Variants in NETO2 observed in about 807,000 individuals in gnomAD.
The protein encoded by NETO2 is neuropilin and tolloid like 2, also known as neuropilin and tolloid-like protein 2.
A neutral mutation model predicts 62.5 loss-of-function variants in NETO2; 28 were observed. The ratio of observed to expected loss-of-function variants is 0.45; its 90% CI spans 0.33 to 0.61. The LOEUF (loss-of-function observed/expected upper bound fraction) is 0.61, where lower values mean the gene tolerates loss of function less well. Ranked by LOEUF, NETO2 falls within the 20% of genes least tolerant of loss-of-function variation. The pLI is 0.02. For missense variants in NETO2, 548 were observed against 643.2 expected (o/e 0.85, Z 1.60); for synonymous variants, 214 against 219.1 (o/e 0.98, Z 0.21).
chr16:47,133,129 G>A (rs1964300440), intron 1 of NETO2, among the ~76,000 whole-genome samples: 1 of 152,164 alleles, frequency 6.6e-6, no homozygotes, highest in Non-Finnish European at 1.5e-5. Flanking sequence ...AGTTTAACAG[G>A]AGATATGCAG....
At chr16:47,117,270 C>T (rs868185907) in intron 6 of NETO2, among the ~76,000 whole-genome samples, 1 of 152,194 alleles carries the variant, frequency 6.6e-6, no homozygotes, top group African/African-American at 2.4e-5. Context: ...CAAGATGCAT[C>T]ATTTTTCTCT....
intron 1 of NETO2, among the ~76,000 whole-genome samples, chr16:47,135,793 C>G (rs1964352864): frequency 6.6e-6 from 1 of 151,632 alleles, no homozygotes; most frequent in Non-Finnish European, 1.5e-5. Context: ...TTCACTATTA[C>G]TTAATAGTGG....
chr16:47,093,667 T>C (rs559844023), intron 7 of NETO2, among the ~76,000 whole-genome samples: 40 of 152,328 alleles, frequency 2.6e-4, no homozygotes, highest in Admixed American at 1.0e-3. Context: ...TGGCATCTCA[T>C]GAAGACCTTT....
At chr16:47,106,894 G>A (rs938880445) in intron 7 of NETO2, among the ~76,000 whole-genome samples, 1 of 151,326 alleles carries the variant, frequency 6.6e-6, no homozygotes, top group African/African-American at 2.4e-5. Flanking sequence ...CAATTTTCAT[G>A]CCTCACCCTG....
intron 4 of NETO2, 106 bp from the exon 5 acceptor site, chr16:47,123,018 C>T (rs111811622): frequency 2.4e-5 from 26 of 1,072,680 alleles, no homozygotes; most frequent in Non-Finnish European, 3.4e-5. Context: ...GTAAGAGAAG[C>T]TTTCATTGGT....
intron 7 of NETO2, among the ~76,000 whole-genome samples, chr16:47,086,716 T>C (rs1238088827): frequency 6.6e-6 from 1 of 152,182 alleles, no homozygotes; most frequent in Non-Finnish European, 1.5e-5. Context: ...GCAGTCATTG[T>C]GGAAAATTAT....
At chr16:47,111,353 T>C (rs1963796691) in intron 6 of NETO2, among the ~76,000 whole-genome samples, 1 of 152,244 alleles carries the variant, frequency 6.6e-6, no homozygotes, top group Non-Finnish European at 1.5e-5. Context: ...CTATAGTAAA[T>C]GCTCTTCAAA....
chr16:47,136,653 G>A (rs779717616), intron 1 of NETO2, among the ~76,000 whole-genome samples: 38 of 152,028 alleles, frequency 2.5e-4, no homozygotes, highest in Non-Finnish European at 4.4e-4. Context: ...TGATCTGCCC[G>A]CCTCAGCCTC....
intron 7 of NETO2, among the ~76,000 whole-genome samples, chr16:47,100,674 C>T (rs1963521119): frequency 6.6e-6 from 1 of 152,134 alleles, no homozygotes; most frequent in Non-Finnish European, 1.5e-5. Flanking sequence ...ACTATAAACA[C>T]CTCTACGCAA....
At chr16:47,129,825 C>T (rs988004125) in intron 2 of NETO2, among the ~76,000 whole-genome samples, 1 of 152,172 alleles carries the variant, frequency 6.6e-6, no homozygotes, top group Non-Finnish European at 1.5e-5. Flanking sequence ...CTTCCTCAAA[C>T]TCCACTTAAA....
chr16:47,143,682 G>C lies in NETO2; in HGVS notation c.-70C>G, dbSNP rs1964514213. The C allele has an allele frequency of 1.5e-5, 18 of 1,214,690 alleles. No homozygotes were observed. The highest frequency in any genetic ancestry group is 1.2e-5 in the Non-Finnish European group (12 of 976,198). The allele number at this position is 1,214,690 out of a possible 1,614,324, so 75.2% of individuals were successfully genotyped here. Reference sequence around the variant, plus strand: ...GGCGGTGGCTCGGCGCTCACGGCTCGGCGCGGCGGCGACGGCCCCACTCCG... The same window carrying C: ...GGCGGTGGCTCGGCGCTCACGGCTCCGCGCGGCGGCGACGGCCCCACTCCG... On this transcript the variant is annotated 5_prime_UTR_variant, in exon 1 of 9. Transcript: ENST00000562435.
chr16:47,132,071 T>C, intron 1 of NETO2, 46 bp from the exon 2 acceptor site: 5 of 1,338,838 alleles, frequency 3.7e-6, no homozygotes, highest in South Asian at 1.2e-5. Flanking sequence ...GAATCTATAC[T>C]ACATTTTACT....
chr16:47,128,587 G>A lies in NETO2; in HGVS notation c.233-14C>T, dbSNP rs751752673. The A allele has an allele frequency of 8.7e-6, 14 of 1,607,056 alleles. No homozygotes were observed. The highest frequency in any genetic ancestry group is 1.2e-5 in the Non-Finnish European group (14 of 1,178,886). ...GACGTGGAGCAGCTAGAAAATAAGA[G>A]TAAGCAAATCAGGACAACACAAACA... On this transcript the variant is annotated splice_polypyrimidine_tract_variant and intron_variant, in intron 3 of 8. Coordinates refer to ENST00000562435, the MANE Select transcript of NETO2 (RefSeq NM_018092.5).
chr16:47,102,695 C>G (rs1016298821), intron 7 of NETO2, among the ~76,000 whole-genome samples: 1 of 151,774 alleles, frequency 6.6e-6, no homozygotes. Context: ...TGAAAAAAAG[C>G]TCATCATCAC....
At chr16:47,115,017 C>T (rs1209527564) in intron 6 of NETO2, among the ~76,000 whole-genome samples, 1 of 152,140 alleles carries the variant, frequency 6.6e-6, no homozygotes, top group Non-Finnish European at 1.5e-5. Context: ...TTTCTCCACT[C>T]AATTTCCTTT....
chr16:47,084,020 T>TTC (rs1249422665), intron 8 of NETO2, among the ~76,000 whole-genome samples: 1 of 152,166 alleles, frequency 6.6e-6, no homozygotes, highest in Admixed American at 6.5e-5. Flanking sequence ...GAAGATAAAG[T>TTC]TCTTGGTCCG....
chr16:47,134,312 A>G (rs1158600194), intron 1 of NETO2, among the ~76,000 whole-genome samples: 1 of 152,140 alleles, frequency 6.6e-6, no homozygotes, highest in Non-Finnish European at 1.5e-5. Flanking sequence ...TCTTTTCTCA[A>G]TAACGTTAAT....
rs1432227595 is a variant in NETO2, at chr16:47,109,776, A to G, written c.655-65T>C. 23 of 1,203,944 alleles carry G rather than the reference A, an allele frequency of 1.9e-5. No individual in the cohort carries two copies. The Middle Eastern group carries it at 6.1e-4, about 32-fold the overall frequency. 74.6% of individuals were successfully genotyped at this position (1,203,944 alleles called of 1,614,324 possible). A position where few individuals can be genotyped will look rare whatever the true frequency, so the allele number is the denominator to read the frequency against. ...TATTAATTTGAATTTTTCTATTTCTATTTTCCACAGACAACATGGGACACC... is the reference window on the plus strand; with the variant it reads ...TATTAATTTGAATTTTTCTATTTCTGTTTTCCACAGACAACATGGGACACC... On this transcript the variant is annotated intron_variant, in intron 6 of 8. Coordinates refer to ENST00000562435, the MANE Select transcript of NETO2 (RefSeq NM_018092.5).
intron 7 of NETO2, among the ~76,000 whole-genome samples, chr16:47,094,745 G>C (rs568848729): frequency 2.6e-5 from 4 of 151,686 alleles, no homozygotes; most frequent in Non-Finnish European, 5.9e-5. Flanking sequence ...TTGAGACGGG[G>C]TCTTGCTCTG....
Sources: gnomAD v4.1 joint callset for allele counts (sites outside exome capture counted in the v4.1 genomes callset) on GRCh38, gnomAD v4.1.1 for gene constraint, MANE v1.5 for transcripts, NCBI Gene and HGNC (gene_info 2026-07-23, HGNC 2026-07-21) for gene names.